ZFP2: variants seen among roughly 807,000 people sequenced by gnomAD.
The protein encoded by ZFP2 is zinc finger protein ZFP2.
ZFP2 carries 33 observed loss-of-function variants against 36.1 expected under a neutral mutation model. The ratio of observed to expected loss-of-function variants is 0.92; its 90% CI spans 0.69 to 1.22. The LOEUF is 1.22. Ranked by LOEUF, ZFP2 falls within the 50% of genes most tolerant of loss-of-function variation. The pLI, the probability that ZFP2 is intolerant of heterozygous loss-of-function variation, is 0.00. For synonymous variants in ZFP2, 170 were observed against 178.0 expected (o/e 0.96, Z 0.36); for missense variants, 522 against 551.4 (o/e 0.95, Z 0.53).
intron 1 of ZFP2, chr5:178,910,152 T>G: frequency 6.8e-7 from 1 of 1,460,890 alleles, no homozygotes; most frequent in Non-Finnish European, 9.6e-7. Context: ...GTCACTGCTG[T>G]CTGCATTTAA....
Position 178,932,663 on chromosome 5 carries a change from T to C in ZFP2, c.1350T>C (p.Ser450=). 2 of 1,610,802 alleles carry C rather than the reference T, an allele frequency of 1.2e-6. No individual in the cohort carries two copies. Among genetic ancestry groups the C allele is most frequent in the South Asian group, 1.1e-5 (1 of 90,552 alleles). Reference sequence around the variant, plus strand: ...AATGCGGAAAAGCCTTCAGCCGGAGTACAAACCTTACACGACATCAAAGAA... The same window carrying C: ...AATGCGGAAAAGCCTTCAGCCGGAGCACAAACCTTACACGACATCAAAGAA... ...CNECGKAFSR[S]TNLTRHQRTH... The change falls in exon 5 of 5, where the codon AGT becomes AGC. Residue 450 remains serine (S), a synonymous_variant. Transcript: ENST00000361362.
In ZFP2 at chr5:178,923,329, C is replaced by T. The variant is rs927928719; in HGVS notation, c.-78+6619C>T. On this transcript the variant is annotated intron_variant, in intron 4 of 4. Transcript: ENST00000361362. ...GCTTCCGCCAGCCCCTGGTAACCTC[C>T]GCTTTCTGCCTCTATGAATTTGACT... Among the ~76,000 whole-genome samples, 11 of 149,556 alleles carry T rather than the reference C, an allele frequency of 7.4e-5. 2 individuals carry two copies. Among genetic ancestry groups the T allele is most frequent in the Admixed American group, 1.3e-4 (2 of 14,930 alleles).
At chr5:178,915,531 C>A (rs1581835885) in intron 3 of ZFP2, among the ~76,000 whole-genome samples, 1 of 151,738 alleles carries the variant, frequency 6.6e-6, no homozygotes, top group African/African-American at 2.4e-5. Context: ...CCAGGCTGGT[C>A]TCAAACTCCT....
intron 1 of ZFP2, chr5:178,909,797 C>T (rs1561679934): frequency 4.4e-6 from 7 of 1,591,982 alleles, no homozygotes; most frequent in Non-Finnish European, 6.0e-6. Context: ...TCATTTCCCA[C>T]TCCACAAAGG....
At chr5:178,901,624 C>T (rs1366912498) in intron 1 of ZFP2, among the ~76,000 whole-genome samples, 1 of 152,110 alleles carries the variant, frequency 6.6e-6, no homozygotes, top group Admixed American at 6.5e-5. Flanking sequence ...ATAAGGATAC[C>T]AGTCATATTT....
intron 4 of ZFP2, among the ~76,000 whole-genome samples, chr5:178,921,788 C>T (rs1305018465): frequency 6.7e-6 from 1 of 149,322 alleles, no homozygotes; most frequent in Non-Finnish European, 1.5e-5. Flanking sequence ...TTTTGGTTCT[C>T]TTCCCCAATT....
intron 4 of ZFP2, among the ~76,000 whole-genome samples, chr5:178,928,701 A>G (rs1317225003): frequency 1.3e-5 from 2 of 152,178 alleles, no homozygotes; most frequent in Non-Finnish European, 2.9e-5. Flanking sequence ...GCTTTTCCAC[A>G]TGCAGGGTGC....
chr5:178,910,803 A>G (rs1581832983), intron 1 of ZFP2, among the ~76,000 whole-genome samples: 1 of 152,004 alleles, frequency 6.6e-6, no homozygotes, highest in African/African-American at 2.4e-5. Flanking sequence ...TGGGGTTTCC[A>G]GGCTCCCTAC....
intron 4 of ZFP2, chr5:178,922,554 T>C: frequency 4.1e-6 from 6 of 1,468,608 alleles, no homozygotes; most frequent in Non-Finnish European, 5.7e-6. Context: ...TCTAGTTTTG[T>C]AGGAGCATGG....
chr5:178,909,904 G>C, intron 1 of ZFP2: 1 of 1,525,026 alleles, frequency 6.6e-7, no homozygotes, highest in Non-Finnish European at 9.1e-7. Flanking sequence ...CAAGAGTCCC[G>C]GGAGATGCCC....
intron 4 of ZFP2, among the ~76,000 whole-genome samples, chr5:178,917,927 T>C (rs1355281803): frequency 2.6e-5 from 4 of 152,260 alleles, no homozygotes; most frequent in Non-Finnish European, 5.9e-5. Flanking sequence ...TGTTACCCTG[T>C]CTGGGAAGCT....
chr5:178,932,669 C>T lies in ZFP2; in HGVS notation c.1356C>T (p.Asn452=), dbSNP rs1349669037. Reference sequence around the variant, plus strand: ...GAAAAGCCTTCAGCCGGAGTACAAACCTTACACGACATCAAAGAACTCATA... The same window carrying T: ...GAAAAGCCTTCAGCCGGAGTACAAATCTTACACGACATCAAAGAACTCATA... ...ECGKAFSRST[N]LTRHQRTHT is the part of the protein sequence containing the mutation. The change falls in exon 5 of 5, where the codon AAC becomes AAT. Residue 452 remains asparagine, a synonymous_variant. Transcript: ENST00000361362. 2 of 1,606,376 alleles carry T rather than the reference C, an allele frequency of 1.2e-6. No individual in the cohort carries two copies. Among genetic ancestry groups the T allele is most frequent in the Non-Finnish European group, 1.7e-6 (2 of 1,176,476 alleles).
chr5:178,902,846 C>T (rs564772281), intron 1 of ZFP2, among the ~76,000 whole-genome samples: 1 of 152,256 alleles, frequency 6.6e-6, no homozygotes, highest in East Asian at 1.9e-4. Context: ...AATATTTACT[C>T]AGGAGTCTGC....
At chr5:178,901,581 A>T in intron 1 of ZFP2, among the ~76,000 whole-genome samples, 1 of 152,064 alleles carries the variant, frequency 6.6e-6, no homozygotes, top group South Asian at 2.1e-4. Flanking sequence ...TGTTATCCTT[A>T]TGTGTTCATG....
chr5:178,910,820 C>T (rs553808788), intron 1 of ZFP2, among the ~76,000 whole-genome samples: 10 of 152,222 alleles, frequency 6.6e-5, no homozygotes, highest in African/African-American at 1.2e-4. Context: ...CTACCCCTGC[C>T]GCCACCACCC....
At position 178,931,622 on chromosome 5, in the gene ZFP2, A is replaced by G; in HGVS notation, c.309A>G (p.Glu103=). The G allele has an allele frequency of 6.2e-7, 1 of 1,614,210 alleles. No homozygotes were observed. The highest frequency in any genetic ancestry group is 1.1e-5 in the South Asian group (1 of 91,086). Residue 103 remains glutamate, a synonymous_variant, in exon 5 of 5, where the codon GAA becomes GAG. Coordinates refer to ENST00000361362, the MANE Select transcript of ZFP2 (RefSeq NM_030613.4). The part of the protein sequence containing the change: ...QRMFVGKKIY[E]CNQCSKTFSQ... ...TGTTTGTAGGAAAGAAGATCTATGA[A>G]TGTAATCAGTGCAGCAAAACCTTCA... is the stretch of plus-strand genomic sequence containing the variant.
Position 178,931,540 on chromosome 5 carries a change from G to C in ZFP2, c.227G>C (p.Cys76Ser), listed in dbSNP as rs1302798277. The change falls in exon 5 of 5, where the codon TGT becomes TCT. Residue 76 changes from cysteine (C) to serine (S), a missense_variant. Transcript: ENST00000361362. ...SIPMVKRPHN[C>S]NSHGEDATQN... ...CCTATGGTAAAAAGGCCCCATAACTGTAATTCACATGGAGAAGATGCCACA... is the reference window on the plus strand; with the variant it reads ...CCTATGGTAAAAAGGCCCCATAACTCTAATTCACATGGAGAAGATGCCACA... 1.9e-6 allele frequency: 3 copies of C among 1,614,006 alleles called. No individual in the cohort carries two copies. Among genetic ancestry groups the C allele is most frequent in the East Asian group, 4.5e-5 (2 of 44,882 alleles).
At chr5:178,912,537 C>T in intron 1 of ZFP2, 47 bp from the exon 2 acceptor site, 1 of 488,804 alleles carries the variant, frequency 2.0e-6, no homozygotes, top group Non-Finnish European at 2.7e-6. Context: ...ATTTTCACTC[C>T]CCTCAGAGGG....
rs562288442 is a variant in ZFP2, at chr5:178,932,932, G to A, written c.*233G>A. The A allele has an allele frequency of 4.2e-6, 2 of 477,756 alleles. No homozygotes were observed. The highest frequency in any genetic ancestry group is 3.7e-5 in the South Asian group (1 of 27,058). The allele number at this position is 477,756 out of a possible 1,614,324, so 29.6% of individuals were successfully genotyped here. On this transcript the variant is annotated 3_prime_UTR_variant, in exon 5 of 5. Coordinates refer to ENST00000361362, the MANE Select transcript of ZFP2 (RefSeq NM_030613.4). Reference sequence around the variant, plus strand: ...GGTTTAAATAGCTAATATAAACAATGAAGAGTCATGCTGAAGATAAGTTCT... The same window carrying A: ...GGTTTAAATAGCTAATATAAACAATAAAGAGTCATGCTGAAGATAAGTTCT...
Sources: allele counts gnomAD v4.1 joint callset (sites outside exome capture counted in the v4.1 genomes callset), GRCh38; gene constraint gnomAD v4.1.1; transcripts MANE v1.5; gene names NCBI Gene and HGNC (gene_info 2026-07-23, HGNC 2026-07-21).